Variants in TRAT1 observed in about 807,000 individuals in gnomAD.
TRAT1 encodes the protein T-cell receptor-associated transmembrane adapter 1.
Under a neutral mutation model 20.0 loss-of-function variants are expected in TRAT1, and 20 were observed. The observed-to-expected ratio is 1.00, with a 90% confidence interval of 0.70 to 1.45. The LOEUF (loss-of-function observed/expected upper bound fraction) is 1.45. Among genes scored for constraint, TRAT1 ranks in the 40% most tolerant of loss-of-function variants. TRAT1 has a pLI of 0.00. For missense variants in TRAT1, 237 were observed against 224.1 expected, an observed-to-expected ratio of 1.06 and a Z score of -0.37; for synonymous variants, 77 against 74.2, an observed-to-expected ratio of 1.04 and a Z score of -0.20.
At chr3:108,830,003 A>ATG (rs1945778519) in intron 1 of TRAT1, among the ~76,000 whole-genome samples, 1 of 152,180 alleles carries the variant, frequency 6.6e-6, no homozygotes, top group Non-Finnish European at 1.5e-5. Flanking sequence ...TGACCTCTCC[A>ATG]TGTGTGTCAT....
At position 108,845,141 on chromosome 3, in the gene TRAT1, C is replaced by T. The variant is rs139804754; in HGVS notation, c.153-1927C>T. On this transcript the variant is annotated intron_variant, in intron 3 of 5. Transcript: ENST00000295756. ...AAACATTTGCTCCTGAGGTTTATTA[C>T]ACATTTACAACAGGCTGGAGCTATT... 4.4e-3 allele frequency among the ~76,000 whole-genome samples: 672 copies of T among 152,224 alleles called. 6 individuals are homozygous for T. The highest frequency in any genetic ancestry group is 0.015 in the African/African-American group (640 of 41,532).
chr3:108,843,482 A>T (rs1461070763), intron 3 of TRAT1, among the ~76,000 whole-genome samples: 1 of 152,146 alleles, frequency 6.6e-6, no homozygotes, highest in East Asian at 1.9e-4. Context: ...GTGAGCCAAG[A>T]TCACACCACT....
chr3:108,836,067 A>T (rs186589273), intron 2 of TRAT1, among the ~76,000 whole-genome samples: 1 of 151,944 alleles, frequency 6.6e-6, no homozygotes, highest in Non-Finnish European at 1.5e-5. Context: ...CTACAGGCGC[A>T]TGCCACCATG....
chr3:108,827,270 A>C (rs760816268), intron 1 of TRAT1, among the ~76,000 whole-genome samples: 6 of 152,144 alleles, frequency 3.9e-5, no homozygotes, highest in African/African-American at 7.2e-5. Flanking sequence ...CACTTTGTGC[A>C]TCCAGTATTC....
chr3:108,835,672 C>G (rs1945832447), intron 2 of TRAT1, among the ~76,000 whole-genome samples: 1 of 152,140 alleles, frequency 6.6e-6, no homozygotes, highest in African/African-American at 2.4e-5. Flanking sequence ...TTCTTACATC[C>G]CATTTCAGGT....
At chr3:108,823,286 A>T (rs1288529188) in intron 1 of TRAT1, among the ~76,000 whole-genome samples, 2 of 152,158 alleles carry the variant, frequency 1.3e-5, no homozygotes, top group South Asian at 4.1e-4. Flanking sequence ...GATAAGTGTA[A>T]TTCTAATTCC....
chr3:108,853,701 A>G lies in TRAT1; in HGVS notation c.385A>G (p.Thr129Ala). Residue 129 changes from threonine to alanine, a missense_variant, in exon 6 of 6, where the codon ACT (threonine) becomes GCT (alanine). Coordinates refer to ENST00000295756, the MANE Select transcript of TRAT1 (RefSeq NM_016388.4). Reference sequence around the variant, plus strand: ...GCGTAGAAAGCCCAGGAAACAGAATACTCATTTCTCAGACAAGGATGGAGA... The same window carrying G: ...GCGTAGAAAGCCCAGGAAACAGAATGCTCATTTCTCAGACAAGGATGGAGA... The part of the protein sequence containing the change: ...GKRRKPRKQN[T>A]HFSDKDGDEQ... 1 of 1,614,138 alleles carries G rather than the reference A, an allele frequency of 6.2e-7. No individual in the cohort carries two copies. The highest frequency in any genetic ancestry group is 8.5e-7 in the Non-Finnish European group (1 of 1,180,008).
intron 2 of TRAT1, among the ~76,000 whole-genome samples, chr3:108,837,917 T>C (rs1178794481): frequency 6.6e-6 from 1 of 152,174 alleles, no homozygotes; most frequent in Admixed American, 6.5e-5. Context: ...TTAAAGAAAA[T>C]TCTTAAAACT....
intron 3 of TRAT1, among the ~76,000 whole-genome samples, chr3:108,843,823 C>T (rs1016634258): frequency 2.6e-5 from 4 of 152,198 alleles, no homozygotes; most frequent in Non-Finnish European, 5.9e-5. Flanking sequence ...ACACTCTCTA[C>T]TTGAAACACT....
At chr3:108,831,493 A>G (rs1165384089) in intron 2 of TRAT1, among the ~76,000 whole-genome samples, 1 of 150,826 alleles carries the variant, frequency 6.6e-6, no homozygotes, top group Non-Finnish European at 1.5e-5. Flanking sequence ...TTGAATACAT[A>G]TGGATGGATG....
At chr3:108,837,882 T>C (rs1945853691) in intron 2 of TRAT1, among the ~76,000 whole-genome samples, 1 of 152,208 alleles carries the variant, frequency 6.6e-6, no homozygotes. Flanking sequence ...TTTTCAATAA[T>C]TCATCATGAA....
intron 3 of TRAT1, among the ~76,000 whole-genome samples, chr3:108,842,861 G>A (rs916982221): frequency 1.3e-5 from 2 of 152,220 alleles, no homozygotes; most frequent in African/African-American, 2.4e-5. Context: ...AGAGAGGCAC[G>A]TGAACACTAA....
At chr3:108,850,412 C>T (rs1330722586) in intron 5 of TRAT1, among the ~76,000 whole-genome samples, 1 of 151,668 alleles carries the variant, frequency 6.6e-6, no homozygotes, top group Non-Finnish European at 1.5e-5. Flanking sequence ...TCAAGCGATT[C>T]TCCTGCCTCA....
At chr3:108,847,009 A>G in intron 3 of TRAT1, 59 bp from the exon 4 acceptor site, 1 of 1,127,792 alleles carries the variant, frequency 8.9e-7, no homozygotes, top group Admixed American at 2.0e-5. Flanking sequence ...CTGAGAAGTC[A>G]GTTATGAATT....
intron 2 of TRAT1, 89 bp downstream of exon 2, chr3:108,830,869 G>C: frequency 1.2e-6 from 1 of 815,248 alleles, no homozygotes; most frequent in South Asian, 1.6e-5. Flanking sequence ...ACAATTTTAT[G>C]AAATGTCATT....
intron 1 of TRAT1, among the ~76,000 whole-genome samples, chr3:108,823,375 C>T (rs1420589264): frequency 6.6e-6 from 1 of 152,086 alleles, no homozygotes; most frequent in African/African-American, 2.4e-5. Context: ...TTTGAAAAGG[C>T]CAGTGAAAAT....
At chr3:108,835,501 T>C (rs1398152387) in intron 2 of TRAT1, among the ~76,000 whole-genome samples, 1 of 152,224 alleles carries the variant, frequency 6.6e-6, no homozygotes, top group Non-Finnish European at 1.5e-5. Context: ...TGGCTTTTAT[T>C]CTGAGCTGTA....
chr3:108,838,028 C>T (rs113084580), intron 2 of TRAT1, among the ~76,000 whole-genome samples: 12 of 152,256 alleles, frequency 7.9e-5, no homozygotes, highest in African/African-American at 2.6e-4. Flanking sequence ...CAGTGAGTTG[C>T]TTACTGAGAT....
At chr3:108,850,951 G>A (rs1012015950) in intron 5 of TRAT1, among the ~76,000 whole-genome samples, 15 of 152,148 alleles carry the variant, frequency 9.9e-5, no homozygotes, top group Non-Finnish European at 2.2e-4. Context: ...GCCTTAAAAT[G>A]TCTTTAAAAG....
Sources: allele counts gnomAD v4.1 joint callset (sites outside exome capture counted in the v4.1 genomes callset), GRCh38; gene constraint gnomAD v4.1.1; transcripts MANE v1.5; gene names NCBI Gene and HGNC (gene_info 2026-07-23, HGNC 2026-07-21).